The following MCC variants were observed in gnomAD, a reference collection of about 807,000 sequenced individuals.
MCC encodes colorectal mutant cancer protein.
MCC carries 90 observed loss-of-function variants against 116.2 expected under a neutral mutation model. That is an observed-to-expected ratio of 0.77 (90% CI 0.65 to 0.92). MCC has a LOEUF of 0.92. MCC is among the 40% of genes least tolerant of loss of function. The pLI is 0.00. For synonymous variants in MCC, 578 were observed against 510.5 expected, an observed-to-expected ratio of 1.13 and a Z score of -1.78; for missense variants, 1,516 against 1,312.2, an observed-to-expected ratio of 1.16 and a Z score of -2.40.
At position 113,274,139 on chromosome 5, in the gene MCC, C is replaced by T. The variant is rs115922401; in HGVS notation, c.627+66380G>A. ...CCACACAGGGGATTTACTTCAGTCACGCCATCAGACAGTACCACTTCCTGT... is the reference window on the plus strand; with the variant it reads ...CCACACAGGGGATTTACTTCAGTCATGCCATCAGACAGTACCACTTCCTGT... On this transcript the variant is annotated intron_variant, in intron 3 of 18. Coordinates refer to ENST00000408903, the MANE Select transcript of MCC (RefSeq NM_001085377.2). 8.6e-3 allele frequency among the ~76,000 whole-genome samples: 1,311 copies of T among 152,314 alleles called. 8 individuals are homozygous for T. The highest frequency in any genetic ancestry group is 0.015 in the African/African-American group (621 of 41,564).
At chr5:113,242,487 T>A (rs988396028) in intron 3 of MCC, among the ~76,000 whole-genome samples, 1 of 151,842 alleles carries the variant, frequency 6.6e-6, no homozygotes, top group Non-Finnish European at 1.5e-5. Flanking sequence ...CATTCACATT[T>A]AAAAACAACT....
chr5:113,481,817 CCACT>C lies in MCC; in HGVS notation c.170+6424_170+6427del, dbSNP rs557459373. ...ATAATTCATATACCATAATGTTCAC[CCACT>C]GTTTTTTACTATATTCACAGAGCTG... is the stretch of plus-strand genomic sequence containing the variant. On this transcript the variant is annotated intron_variant, in intron 1 of 18. Coordinates refer to ENST00000408903, the MANE Select transcript of MCC (RefSeq NM_001085377.2). Among the ~76,000 whole-genome samples the C allele has an allele frequency of 5.9e-5, 9 of 152,024 alleles. No individual in the cohort carries two copies. The East Asian group carries it at 1.2e-3, about 20-fold the overall frequency.
chr5:113,113,577 A>G (rs1269179749), intron 6 of MCC, among the ~76,000 whole-genome samples: 2 of 150,820 alleles, frequency 1.3e-5, no homozygotes, highest in Non-Finnish European at 1.5e-5. Flanking sequence ...AGTATCACCT[A>G]TAATGGACAA....
chr5:113,454,153 T>G (rs987286082), intron 1 of MCC, among the ~76,000 whole-genome samples: 1 of 152,118 alleles, frequency 6.6e-6, no homozygotes, highest in African/African-American at 2.4e-5. Flanking sequence ...TTAAAAATAT[T>G]TGAAAAAATC....
At chr5:113,400,859 G>T (rs2150398640) in intron 1 of MCC, among the ~76,000 whole-genome samples, 1 of 152,272 alleles carries the variant, frequency 6.6e-6, no homozygotes, top group South Asian at 2.1e-4. Context: ...TGAGCACTCA[G>T]TAAATCCTCA....
intron 1 of MCC, among the ~76,000 whole-genome samples, chr5:113,398,200 C>T (rs143190222): frequency 6.6e-6 from 1 of 152,104 alleles, no homozygotes; most frequent in African/African-American, 2.4e-5. Flanking sequence ...GTCAGTGAGG[C>T]TGTGGAGAAA....
chr5:113,430,984 G>C (rs1402092472), intron 1 of MCC, among the ~76,000 whole-genome samples: 1 of 152,198 alleles, frequency 6.6e-6, no homozygotes, highest in Non-Finnish European at 1.5e-5. Context: ...ACGGTAGGAA[G>C]AGCAATGGTC....
intron 2 of MCC, among the ~76,000 whole-genome samples, chr5:113,376,718 G>A (rs1432201614): frequency 1.3e-5 from 2 of 151,910 alleles, no homozygotes; most frequent in African/African-American, 2.4e-5. Context: ...TTCCCTGCCC[G>A]GCACTCATTC....
intron 9 of MCC, 69 bp from the exon 10 acceptor site, chr5:113,084,259 C>G (rs113857047): frequency 5.8e-6 from 7 of 1,204,688 alleles, no homozygotes; most frequent in Non-Finnish European, 7.4e-6. Context: ...TGGGACTACG[C>G]TTATACAGGG....
intron 4 of MCC, among the ~76,000 whole-genome samples, chr5:113,151,083 G>A (rs900140841): frequency 2.6e-5 from 4 of 152,064 alleles, no homozygotes; most frequent in African/African-American, 4.8e-5. Context: ...GGAATCCCTC[G>A]GTAGGCACCT....
chr5:113,029,563 C>G (rs1029117544), intron 17 of MCC, among the ~76,000 whole-genome samples: 2 of 152,074 alleles, frequency 1.3e-5, no homozygotes, highest in Non-Finnish European at 2.9e-5. Context: ...ATATGATACT[C>G]TCTTCATTGT....
intron 3 of MCC, among the ~76,000 whole-genome samples, chr5:113,202,267 G>A (rs72805237): frequency 0.12 from 17,877 of 151,852 alleles, 1,245 homozygotes; most frequent in South Asian, 0.13. Flanking sequence ...AAGCAATCCC[G>A]GGGTTGTGCT....
intron 1 of MCC, among the ~76,000 whole-genome samples, chr5:113,485,658 T>C (rs1185177168): frequency 1.3e-5 from 2 of 152,126 alleles, no homozygotes; most frequent in Admixed American, 6.6e-5. Context: ...TGAAAAATGG[T>C]GTTGGAGAAA....
At position 113,084,119 on chromosome 5, in the gene MCC, T is replaced by C. The variant is rs771837894; in HGVS notation, c.1617A>G (p.Ser539=). Reference sequence around the variant, plus strand: ...CACTCACCCCTATGCTACTGATTTCTGAGCCCAGGACTGGCCGATCAGATG... The same window carrying C: ...CACTCACCCCTATGCTACTGATTTCCGAGCCCAGGACTGGCCGATCAGATG... ...SSSSDRPVLG[S]EISSIGVSSS... Residue 539 remains serine, a synonymous_variant, in exon 10 of 19, where the codon TCA becomes TCG. Coordinates refer to ENST00000408903, the MANE Select transcript of MCC (RefSeq NM_001085377.2). The C allele has an allele frequency of 6.2e-7, 1 of 1,614,178 alleles. No homozygotes were observed. The highest frequency in any genetic ancestry group is 1.1e-5 in the South Asian group (1 of 91,080).
intron 3 of MCC, among the ~76,000 whole-genome samples, chr5:113,296,345 T>G (rs1171195657): frequency 2.0e-5 from 3 of 152,140 alleles, no homozygotes; most frequent in Admixed American, 6.5e-5. Context: ...CAATTCTAGA[T>G]AGAAAATGAT....
intron 10 of MCC, 93 bp from the exon 11 acceptor site, chr5:113,083,101 G>A: frequency 1.6e-6 from 2 of 1,260,212 alleles, no homozygotes; most frequent in Non-Finnish European, 2.2e-6. Flanking sequence ...TATTCCGTGA[G>A]AATCGGGGAC....
At position 113,189,152 on chromosome 5, in the gene MCC, A is replaced by G. The variant is rs181381805; in HGVS notation, c.628-37730T>C. On this transcript the variant is annotated intron_variant, in intron 3 of 18. Transcript: ENST00000408903. ...AAGCCCGTGTTCACAAAATAATCCA[A>G]TGGGTGCACTGAGCCCAGTGACAGC... Among the ~76,000 whole-genome samples the G allele has an allele frequency of 5.3e-5, 8 of 152,252 alleles. No individual in the cohort carries two copies. In the East Asian group the frequency reaches 9.6e-4, roughly 18 times the overall value.
intron 6 of MCC, among the ~76,000 whole-genome samples, chr5:113,110,205 T>A (rs577330331): frequency 6.6e-5 from 10 of 152,298 alleles, no homozygotes; most frequent in African/African-American, 2.4e-4. Context: ...AGTTTATCTG[T>A]ACTGTGCCCC....
intron 3 of MCC, among the ~76,000 whole-genome samples, chr5:113,217,101 C>T (rs1470994453): frequency 1.3e-5 from 2 of 152,150 alleles, no homozygotes; most frequent in Non-Finnish European, 2.9e-5. Context: ...ATAGCAGGAG[C>T]CCTGATTCAG....
Sources: allele counts gnomAD v4.1 joint callset (sites outside exome capture counted in the v4.1 genomes callset), GRCh38; gene constraint gnomAD v4.1.1; transcripts MANE v1.5; gene names NCBI Gene and HGNC (gene_info 2026-07-23, HGNC 2026-07-21).